The following TFEC variants were observed in gnomAD, a reference collection of about 807,000 sequenced individuals.
TFEC encodes transcription factor EC.
Under a neutral mutation model 41.6 loss-of-function variants are expected in TFEC, and 31 were observed. The ratio of observed to expected loss-of-function variants is 0.74; its 90% CI spans 0.56 to 1.01. The LOEUF (loss-of-function observed/expected upper bound fraction) is 1.01, where lower values mean the gene tolerates loss of function less well. Ranked by LOEUF, TFEC falls within the 50% of genes least tolerant of loss-of-function variation. TFEC has a pLI of 0.00. For synonymous variants in TFEC, 143 were observed against 140.6 expected, an observed-to-expected ratio of 1.02 and a Z score of -0.12; for missense variants, 402 against 404.1, an observed-to-expected ratio of 0.99 and a Z score of 0.04.
intron 3 of TFEC, among the ~76,000 whole-genome samples, chr7:116,054,143 A>G (rs1337502775): frequency 1.3e-5 from 2 of 152,176 alleles, no homozygotes; most frequent in African/African-American, 2.4e-5. Flanking sequence ...TATCTACTGA[A>G]TAAGGAGAGG....
intron 1 of TFEC, among the ~76,000 whole-genome samples, chr7:116,155,549 C>T (rs1409522522): frequency 6.6e-6 from 1 of 151,968 alleles, no homozygotes; most frequent in East Asian, 1.9e-4. Context: ...TCTACCAACT[C>T]TGATGTCTTT....
chr7:115,974,450 A>ATATATATATATATATATAT (rs1491505885), intron 2 of TFEC, among the ~76,000 whole-genome samples, 194 bp from the exon 3 acceptor site: 10 of 28,072 alleles, frequency 3.6e-4, no homozygotes, highest in Non-Finnish European at 4.8e-4. Context: ...ATATATATAT[A>ATATATATATATATATATAT]AAAACACAGA....
chr7:116,004,379 T>C (rs1448049628), intron 1 of TFEC, among the ~76,000 whole-genome samples: 1 of 152,198 alleles, frequency 6.6e-6, no homozygotes, highest in African/African-American at 2.4e-5. Context: ...GAGGAATACA[T>C]ATCCTTATGC....
chr7:116,116,767 T>C lies in TFEC; in HGVS notation c.-68-4729A>G, dbSNP rs550879828. Among the ~76,000 whole-genome samples, 7 of 152,010 alleles carry C rather than the reference T, an allele frequency of 4.6e-5. No individual in the cohort carries two copies. In the East Asian group the frequency reaches 1.4e-3, roughly 29 times the overall value. On this transcript the variant is annotated intron_variant, in intron 1 of 8. Coordinates refer to the TFEC transcript ENST00000484212. ...TGATTCTCATTGAAGGGTCTACTGATTCTTTCAATCAGGTTCTCTAGTTTG... is the reference window on the plus strand; with the variant it reads ...TGATTCTCATTGAAGGGTCTACTGACTCTTTCAATCAGGTTCTCTAGTTTG...
intron 3 of TFEC, among the ~76,000 whole-genome samples, chr7:116,048,795 C>T (rs1465913392): frequency 6.6e-6 from 1 of 152,184 alleles, no homozygotes; most frequent in Non-Finnish European, 1.5e-5. Context: ...AGCAGAAACT[C>T]TACAAGCCAG....
At chr7:115,986,744 C>T (rs146820932) in intron 1 of TFEC, among the ~76,000 whole-genome samples, 210 of 119,024 alleles carry the variant, frequency 1.8e-3, no homozygotes, top group Middle Eastern at 6.8e-3. Context: ...GAACATCACA[C>T]ACCAGGGCCT....
chr7:116,145,976 T>C (rs979049022), intron 1 of TFEC, among the ~76,000 whole-genome samples: 4 of 152,160 alleles, frequency 2.6e-5, no homozygotes, highest in Admixed American at 2.0e-4. Context: ...TTCAAAGTAA[T>C]AGATAAAGGT....
chr7:116,074,941 C>T (rs942802069), intron 3 of TFEC, among the ~76,000 whole-genome samples: 3 of 151,984 alleles, frequency 2.0e-5, no homozygotes, highest in South Asian at 2.1e-4. Context: ...CCAATAAAAA[C>T]GAATGAAAAT....
At chr7:116,083,210 T>A (rs1160570340) in intron 3 of TFEC, among the ~76,000 whole-genome samples, 1 of 151,878 alleles carries the variant, frequency 6.6e-6, no homozygotes, top group Non-Finnish European at 1.5e-5. Context: ...AACATGATGA[T>A]GGAAATTAAT....
At chr7:115,986,638 T>C (rs1793868500) in intron 1 of TFEC, among the ~76,000 whole-genome samples, 1 of 151,604 alleles carries the variant, frequency 6.6e-6, no homozygotes, top group Admixed American at 6.6e-5. Flanking sequence ...CTCAGCAAAC[T>C]ATTGCAAGGA....
chr7:115,976,425 C>CA (rs1044098797), intron 2 of TFEC, among the ~76,000 whole-genome samples: 53 of 151,916 alleles, frequency 3.5e-4, no homozygotes, highest in African/African-American at 1.2e-3. Context: ...ACCCCATCTC[C>CA]AAAAAATAAA....
intron 3 of TFEC, among the ~76,000 whole-genome samples, chr7:116,046,810 C>T (rs747983366): frequency 3.1e-4 from 47 of 152,084 alleles, no homozygotes; most frequent in Non-Finnish European, 5.1e-4. Context: ...GATGTATATA[C>T]AAAAATGGGC....
intron 1 of TFEC, among the ~76,000 whole-genome samples, chr7:116,131,244 C>T (rs1798325216): frequency 6.6e-6 from 1 of 152,074 alleles, no homozygotes; most frequent in South Asian, 2.1e-4. Context: ...GTCATCAATG[C>T]CATCCATATG....
chr7:116,098,589 A>G (rs1315631099), intron 3 of TFEC, among the ~76,000 whole-genome samples: 1 of 152,148 alleles, frequency 6.6e-6, no homozygotes, highest in Admixed American at 6.5e-5. Context: ...GAGAGAACTG[A>G]AAGAAAAATA....
intron 1 of TFEC, among the ~76,000 whole-genome samples, chr7:115,999,725 A>T (rs1177824874): frequency 6.6e-6 from 1 of 151,912 alleles, no homozygotes; most frequent in Admixed American, 6.6e-5. Context: ...AATTGGAAAC[A>T]TCTAGGAGAA....
intron 3 of TFEC, among the ~76,000 whole-genome samples, chr7:116,108,774 T>C (rs1239199378): frequency 6.6e-6 from 1 of 152,160 alleles, no homozygotes; most frequent in African/African-American, 2.4e-5. Context: ...CTACACACAC[T>C]GTGATAGACC....
At chr7:116,066,483 T>TTA (rs534137119) in intron 3 of TFEC, among the ~76,000 whole-genome samples, 129 of 148,834 alleles carry the variant, frequency 8.7e-4, no homozygotes, top group African/African-American at 2.1e-3. Context: ...CTATCAGGGG[T>TTA]TATATATATA....
At chr7:116,037,770 T>C (rs1795944511) in intron 3 of TFEC, among the ~76,000 whole-genome samples, 1 of 152,016 alleles carries the variant, frequency 6.6e-6, no homozygotes, top group Admixed American at 6.6e-5. Flanking sequence ...TACTATTTCA[T>C]TAGCATACTA....
At chr7:115,976,824 A>T (rs1350095778) in intron 2 of TFEC, among the ~76,000 whole-genome samples, 1 of 152,226 alleles carries the variant, frequency 6.6e-6, no homozygotes, top group Non-Finnish European at 1.5e-5. Flanking sequence ...AAAGTTACAC[A>T]TAAGTCATTC....
Sources: allele counts gnomAD v4.1 joint callset (sites outside exome capture counted in the v4.1 genomes callset), GRCh38; gene constraint gnomAD v4.1.1; transcripts MANE v1.5; gene names NCBI Gene and HGNC (gene_info 2026-07-23, HGNC 2026-07-21).